ALS2: variants seen among roughly 807,000 people sequenced by gnomAD.
ALS2 encodes alsin Rho guanine nucleotide exchange factor ALS2, also known as alsin.
ALS2 carries 117 observed loss-of-function variants against 203.4 expected under a neutral mutation model. That is an observed-to-expected ratio of 0.58 (90% confidence interval 0.50 to 0.67). The LOEUF is 0.67. ALS2 is among the 30% of genes least tolerant of loss of function. ALS2 has a pLI of 0.00. For missense variants in ALS2, 1,715 were observed against 1,989.4 expected, an observed-to-expected ratio of 0.86 and a Z score of 2.62; for synonymous variants, 718 against 725.9, an observed-to-expected ratio of 0.99 and a Z score of 0.17.
At chr2:201,746,507 A>C in intron 9 of ALS2, 59 bp downstream of exon 9, 4 of 1,598,068 alleles carry the variant, frequency 2.5e-6, no homozygotes, top group Non-Finnish European at 3.4e-6. Flanking sequence ...ATAAAAACAA[A>C]AACAAAAGAC....
rs766142021 is a variant in ALS2 at position 201,761,389 on chromosome 2, A to G, written c.605T>C (p.Val202Ala). The G allele has an allele frequency of 6.2e-7, 1 of 1,611,482 alleles. No individual in the cohort carries two copies. The highest frequency in any genetic ancestry group is 8.5e-7 in the Non-Finnish European group (1 of 1,177,922). ...AGCACCACAGGCAACTTGAAGCACCACTCGCCCAGCAAGATGTTCTACCTT... is the reference window on the plus strand; with the variant it reads ...AGCACCACAGGCAACTTGAAGCACCGCTCGCCCAGCAAGATGTTCTACCTT... ...PQKVEHLAGR[V>A]VLQVACGAFH... Residue 202 changes from valine to alanine, a missense_variant, in exon 4 of 34, where the codon GTG (valine) becomes GCG (alanine). Transcript: ENST00000264276.
At chr2:201,767,156 C>T (rs1218051436) in intron 3 of ALS2, 73 bp downstream of exon 3, 36 of 1,583,714 alleles carry the variant, frequency 2.3e-5, no homozygotes, top group Non-Finnish European at 3.0e-5. Context: ...CAATGACTCC[C>T]ATACCTGACC....
At chr2:201,772,850 A>ATTTTTTTTTTTTTTTTTTTTTTTTTT (rs578253808) in intron 1 of ALS2, among the ~76,000 whole-genome samples, 1 of 108,846 alleles carries the variant, frequency 9.2e-6, no homozygotes. Flanking sequence ...TGCTTTCATG[A>ATTTTTTTTTTTTTTTTTTTTTTTTTT]TTTTTTTTTT....
In ALS2 at chr2:201,725,474, A is replaced by G. The variant is rs780421473; in HGVS notation, c.3249-20T>C. 3.8e-6 allele frequency: 6 copies of G among 1,584,952 alleles called. No homozygotes were observed. Among genetic ancestry groups the G allele is most frequent in the Admixed American group, 1.7e-5 (1 of 59,976 alleles). ...CCATACCTGCCATGAAAAAGAAAAA[A>G]TAACAAAAGAAGATGCATTTATGAC... On this transcript the variant is annotated intron_variant, in intron 19 of 33. Coordinates refer to ENST00000264276, the MANE Select transcript of ALS2 (RefSeq NM_020919.4).
chr2:201,733,167 G>A, intron 13 of ALS2, 109 bp downstream of exon 13: 1 of 1,168,018 alleles, frequency 8.6e-7, no homozygotes, highest in Non-Finnish European at 1.2e-6. Flanking sequence ...ATTAGACACA[G>A]GTAAATATTA....
chr2:201,749,616 G>T (rs1692897646), intron 8 of ALS2, 96 bp downstream of exon 8: 2 of 1,218,088 alleles, frequency 1.6e-6, no homozygotes, highest in Non-Finnish European at 2.4e-6. Flanking sequence ...TTGTACGTAT[G>T]AAATTCCCCC....
chr2:201,707,816 G>T, intron 28 of ALS2, 53 bp downstream of exon 28: 2 of 1,599,366 alleles, frequency 1.3e-6, no homozygotes, highest in South Asian at 1.1e-5. Flanking sequence ...CTTTGAGTAA[G>T]ATCATCTAGT....
At chr2:201,713,964 T>C (rs866173045) in intron 25 of ALS2, among the ~76,000 whole-genome samples, 3 of 152,198 alleles carry the variant, frequency 2.0e-5, no homozygotes, top group African/African-American at 7.2e-5. Context: ...ACAGTAAACA[T>C]AGCAGGCTTG....
At position 201,718,104 on chromosome 2, in the gene ALS2, T is replaced by G; in HGVS notation, c.3809A>C (p.Glu1270Ala). The stretch of plus-strand genomic sequence containing the variant: ...AACTTTAGGTCTGTCTTTATCACTC[T>G]CATATAGACTAGGTTTGAAGTAGGT... The part of the protein sequence containing the change: ...TGTYFKPSLY[E>A]SDKDRPKVFR... The change falls in exon 24 of 34, where the codon GAG (glutamate) becomes GCG (alanine). Residue 1270 changes from glutamate (E) to alanine (A), a missense_variant. Glu to Ala is a moderately radical substitution (Grantham distance 107). This residue lies in a region of ALS2 where 1,227 missense variants were observed against 1,413.5 expected (regional missense o/e 0.87). Coordinates refer to ENST00000264276, the MANE Select transcript of ALS2 (RefSeq NM_020919.4). 6.2e-7 allele frequency: 1 copy of G among 1,613,722 alleles called. No individual in the cohort carries two copies. The highest frequency in any genetic ancestry group is 1.1e-5 in the South Asian group (1 of 91,074).
At chr2:201,751,762 C>T (rs1015378244) in intron 7 of ALS2, among the ~76,000 whole-genome samples, 3 of 152,290 alleles carry the variant, frequency 2.0e-5, no homozygotes, top group South Asian at 2.1e-4. Context: ...TACACACACA[C>T]GCACACATAC....
chr2:201,704,098 G>C, intron 33 of ALS2, 24 bp downstream of exon 33: 3 of 1,560,432 alleles, frequency 1.9e-6, no homozygotes, highest in Non-Finnish European at 2.7e-6. Context: ...AGATAAGAAA[G>C]TATTAAATAA....
intron 1 of ALS2, among the ~76,000 whole-genome samples, chr2:201,769,524 G>A (rs959916987): frequency 6.6e-5 from 10 of 152,032 alleles, no homozygotes; most frequent in South Asian, 2.1e-4. Flanking sequence ...TAACCCAAAC[G>A]GTTGAAAGAA....
At chr2:201,780,616 G>A (rs914490295) in intron 1 of ALS2, among the ~76,000 whole-genome samples, 2 of 152,220 alleles carry the variant, frequency 1.3e-5, no homozygotes, top group Non-Finnish European at 2.9e-5. Flanking sequence ...CCCAGTCTGG[G>A]GAGGGAGAGA....
chr2:201,763,458 T>C (rs1693880468), intron 3 of ALS2: 1 of 272,384 alleles, frequency 3.7e-6, no homozygotes, highest in Admixed American at 4.1e-5. Context: ...GCCCCCAACC[T>C]CTGGAAGGAG....
chr2:201,735,814 G>A (rs1178362452), intron 12 of ALS2, among the ~76,000 whole-genome samples: 1 of 152,224 alleles, frequency 6.6e-6, no homozygotes, highest in Non-Finnish European at 1.5e-5. Flanking sequence ...AACTGCTGTA[G>A]CCCTTCAGGA....
rs781551580 is a variant in ALS2 at position 201,715,673 on chromosome 2, T to G, written c.4003A>C (p.Ser1335Arg). 1 of 1,614,224 alleles carries G rather than the reference T, an allele frequency of 6.2e-7. No homozygotes were observed. Among genetic ancestry groups the G allele is most frequent in the Admixed American group, 1.7e-5 (1 of 60,034 alleles). The part of the protein sequence containing the change: ...LTTSRRQHRD[S>R]PEILSRSQTQ... ...TATGTTGAGCAGGTGTTCACTCACC[T>G]GTCTCTGTGCTGGCGCCGACTGGTG... is the stretch of plus-strand genomic sequence containing the variant. The change falls in exon 25 of 34, where the codon AGT becomes CGT. Residue 1335 changes from serine to arginine, a missense_variant and splice_region_variant. Physicochemically the swap from Ser to Arg is moderately radical, Grantham distance 110. Around this residue, in one of 3 missense-constraint regions of ALS2, gnomAD observed 1,227 missense variants for 1,413.5 expected, o/e 0.87. Transcript: ENST00000264276.
chr2:201,741,168 T>C (rs997846898), intron 11 of ALS2: 7 of 153,514 alleles, frequency 4.6e-5, no homozygotes, highest in African/African-American at 1.7e-4. Flanking sequence ...TTGAAAAATA[T>C]GCAAAGAACC....
chr2:201,768,357 T>C (rs948523589), intron 2 of ALS2, among the ~76,000 whole-genome samples: 3 of 152,224 alleles, frequency 2.0e-5, no homozygotes, highest in East Asian at 1.9e-4. Context: ...TGTGCCACCA[T>C]TGGTAATACA....
At chr2:201,764,589 G>A (rs999572372) in intron 3 of ALS2, among the ~76,000 whole-genome samples, 20 of 151,802 alleles carry the variant, frequency 1.3e-4, no homozygotes, top group Non-Finnish European at 2.5e-4. Context: ...AGCTGAGATC[G>A]TGCCACCACA....
Sources: gnomAD v4.1 joint callset for allele counts (sites outside exome capture counted in the v4.1 genomes callset) on GRCh38, gnomAD v4.1.1 for gene constraint, gnomAD v4.1.1 regional missense constraint, MANE v1.5 for transcripts, NCBI Gene and HGNC (gene_info 2026-07-23, HGNC 2026-07-21) for gene names.